The following TOP1MT variants were observed in gnomAD, a reference collection of about 807,000 sequenced individuals.
TOP1MT encodes DNA topoisomerase I mitochondrial.
In TOP1MT, 80 loss-of-function variants were observed where a neutral mutation model predicts 73.9. The ratio of observed to expected loss-of-function variants is 1.08; its 90% CI spans 0.90 to 1.30. The LOEUF (loss-of-function observed/expected upper bound fraction) is 1.30, where lower values mean the gene tolerates loss of function less well. TOP1MT is among the 50% of genes most tolerant of loss of function. The probability of loss-of-function intolerance (pLI) is 0.00; values close to 1 mark genes in which losing one functional copy is unlikely to be tolerated. For synonymous variants in TOP1MT, 338 were observed against 326.4 expected (o/e 1.04, Z -0.38); for missense variants, 815 against 808.0 (o/e 1.01, Z -0.10).
At chr8:143,331,941 G>A (rs1032870888) in intron 1 of TOP1MT, 1 of 162,752 alleles carries the variant, frequency 6.1e-6, no homozygotes, top group Admixed American at 6.0e-5. Context: ...AAGCCTCAGG[G>A]GTTTTCAGGG....
intron 1 of TOP1MT, among the ~76,000 whole-genome samples, chr8:143,350,524 G>C (rs1213899637): frequency 6.6e-6 from 1 of 152,088 alleles, no homozygotes; most frequent in African/African-American, 2.4e-5. Flanking sequence ...TAGAGACGGG[G>C]TTTCGCCATG....
At chr8:143,317,069 G>A (rs756783007) in intron 10 of TOP1MT, among the ~76,000 whole-genome samples, 11 of 152,356 alleles carry the variant, frequency 7.2e-5, no homozygotes, top group South Asian at 2.1e-4. Context: ...GAGCGTCAGC[G>A]CCCCTGAGCA....
intron 1 of TOP1MT, chr8:143,333,655 A>C (rs1262444538): frequency 6.6e-6 from 1 of 152,246 alleles, no homozygotes; most frequent in African/African-American, 2.4e-5. Context: ...TTGTAGTGAC[A>C]TTCTTTCACC....
intron 1 of TOP1MT, chr8:143,343,548 C>G (rs1040050816): frequency 9.9e-5 from 28 of 282,802 alleles, no homozygotes; most frequent in African/African-American, 6.1e-4. Flanking sequence ...TCAGGCCCCT[C>G]CCGGCCTCGG....
chr8:143,341,728 G>A lies in TOP1MT; in HGVS notation c.29+1492C>T, dbSNP rs575284772. ...GGTGCAGGCCGCAACAGGCCATACT[G>A]CCAGCGTCCACCCTGACCCAGACAC... On this transcript the variant is annotated intron_variant, in intron 2 of 5. Transcript: ENST00000518007. The surrounding 1 kb of genome is among the most constrained non-coding windows in gnomAD (Gnocchi z 4.1). Among the ~76,000 whole-genome samples, 152 of 152,296 alleles carry A rather than the reference G, an allele frequency of 1.0e-3. No homozygotes were observed. The highest frequency in any genetic ancestry group is 3.5e-3 in the African/African-American group (147 of 41,572).
chr8:143,322,589 ACACACATGCAGGC>A (rs1816490986), intron 7 of TOP1MT, among the ~76,000 whole-genome samples: 1 of 128,602 alleles, frequency 7.8e-6, no homozygotes, highest in Non-Finnish European at 1.6e-5. Context: ...CATGCACGCC[ACACACATGCAGGC>A]CACACACATG....
At chr8:143,338,653 T>A (rs1334409709), upstream of TOP1MT, among the ~76,000 whole-genome samples, 1 of 152,000 alleles carries the variant, frequency 6.6e-6, no homozygotes, top group African/African-American at 2.4e-5. Context: ...AGGCCAACAA[T>A]CCTGTAAAAA....
intron 5 of TOP1MT, among the ~76,000 whole-genome samples, chr8:143,325,142 G>A (rs7823909): frequency 0.041 from 6,316 of 152,316 alleles, 454 homozygotes; most frequent in African/African-American, 0.15. Context: ...ATAGCAAGGC[G>A]AGGACTTCCG....
upstream of TOP1MT, among the ~76,000 whole-genome samples, chr8:143,338,566 CAA>C (rs57834607): frequency 2.7e-3 from 347 of 130,194 alleles, 2 homozygotes; most frequent in African/African-American, 8.9e-3. Flanking sequence ...GACTCCGTCT[CAA>C]AAAAAAAAAA....
At chr8:143,332,544 G>A (rs1303012805) in intron 1 of TOP1MT, 3 of 1,289,456 alleles carry the variant, frequency 2.3e-6, no homozygotes, top group South Asian at 1.2e-5. Context: ...TTGGGGGCCT[G>A]GTGGGCCTGG....
intron 5 of TOP1MT, 93 bp downstream of exon 5, chr8:143,325,253 G>C: frequency 8.6e-7 from 1 of 1,158,358 alleles, no homozygotes; most frequent in Non-Finnish European, 1.2e-6. Flanking sequence ...CATGTTTCTC[G>C]GTGTGCCTCC....
chr8:143,335,399 G>A (rs1240341636), upstream of TOP1MT, among the ~76,000 whole-genome samples: 1 of 152,196 alleles, frequency 6.6e-6, no homozygotes, highest in African/African-American at 2.4e-5. Flanking sequence ...CCCCTCAGAG[G>A]TGGTGCCTCT....
At chr8:143,317,949 A>G (rs547313375) in intron 9 of TOP1MT, 69 bp downstream of exon 9, 3 of 1,594,676 alleles carry the variant, frequency 1.9e-6, no homozygotes, top group Non-Finnish European at 8.6e-7. Flanking sequence ...CCTGGGCCAG[A>G]CTCAGCGCCC....
rs1314178774 is a variant in TOP1MT, at chr8:143,321,488, CCA to C, written c.961-104_961-103del. 76 of 472,026 alleles carry C rather than the reference CCA, an allele frequency of 1.6e-4. 1 individual carries two copies. The South Asian group carries it at 2.6e-3, about 16-fold the overall frequency. 29.2% of individuals were successfully genotyped at this position (472,026 alleles called of 1,614,324 possible). On this transcript the variant is annotated intron_variant, in intron 7 of 13. Coordinates refer to ENST00000329245, the MANE Select transcript of TOP1MT (RefSeq NM_052963.3). ...GCCACACACGCACGCCACACGCACGCCACACACGCACGCCACACACACGCACT... is the reference window on the plus strand; with the variant it reads ...GCCACACACGCACGCCACACGCACGCCACACGCACGCCACACACACGCACT...
At position 143,341,070 on chromosome 8, in the gene TOP1MT, G is replaced by A. The variant is rs958670196; in HGVS notation, c.29+2150C>T. 4.6e-5 allele frequency among the ~76,000 whole-genome samples: 7 copies of A among 152,200 alleles called. No individual in the cohort carries two copies. The highest frequency in any genetic ancestry group is 1.4e-4 in the African/African-American group (6 of 41,532). On this transcript the variant is annotated intron_variant, in intron 2 of 5. Transcript: ENST00000518007. This position sits in a 1 kb window ranked among gnomAD's most constrained non-coding sequence, Gnocchi z 4.1. ...GAGCGCGCTCCTCCCCAGCTCCCAC[G>A]GCGGCCCCTGCACTCTTCCGCTCCC...
intron 4 of TOP1MT, among the ~76,000 whole-genome samples, chr8:143,325,829 A>G (rs1816692436): frequency 6.6e-6 from 1 of 152,122 alleles, no homozygotes; most frequent in African/African-American, 2.4e-5. Context: ...GCTGCCCGCC[A>G]TGGAGGAGGA....
At position 143,321,275 on chromosome 8, in the gene TOP1MT, G is replaced by A. The variant is rs762096102; in HGVS notation, c.1072C>T (p.Gln358Ter). 6.2e-7 allele frequency: 1 copy of A among 1,612,564 alleles called. No individual in the cohort carries two copies. The highest frequency in any genetic ancestry group is 1.7e-5 in the Admixed American group (1 of 59,954). Residue 358 changes from glutamine to a stop codon, truncating the protein, a stop_gained, in exon 8 of 14, where the codon CAA (glutamine) becomes TAA (stop). Transcript: ENST00000329245. LOFTEE classifies it high-confidence loss of function. ...AGGAAGTCAAATTCCACCACGTGTT[G>A]GCAGCCATCGGCCTCCGGGTGCAGC... The part of the protein sequence containing the change: ...VQLHPEADGC[Q>*]HVVEFDFLGK...
Position 143,331,232 on chromosome 8 carries a change from A to G in TOP1MT, c.230T>C (p.Phe77Ser), listed in dbSNP as rs770039013. 2 of 1,606,592 alleles carry G rather than the reference A, an allele frequency of 1.2e-6. No individual in the cohort carries two copies. Among genetic ancestry groups the G allele is most frequent in the Non-Finnish European group, 1.7e-6 (2 of 1,174,390 alleles). The change falls in exon 2 of 14, where the codon TTC becomes TCC. Residue 77 changes from phenylalanine to serine, a missense_variant. Around this residue, in one of 3 missense-constraint regions of TOP1MT, gnomAD observed 751 missense variants for 725.4 expected, o/e 1.04. Coordinates refer to ENST00000329245, the MANE Select transcript of TOP1MT (RefSeq NM_052963.3). ...GCTCCCTGCATCCTTACCTTCATAG[A>G]AGAAACGCACTCCGTCGGGAAGGGG... Reference protein sequence around the residue: ...YEPLPDGVRFFYEGRPVRLSV... With the variant: ...YEPLPDGVRFSYEGRPVRLSV...
upstream of TOP1MT, among the ~76,000 whole-genome samples, chr8:143,338,333 C>T (rs1260778438): frequency 6.6e-6 from 1 of 151,936 alleles, no homozygotes; most frequent in Non-Finnish European, 1.5e-5. Context: ...TTTGGGAGGC[C>T]AAGGCGGGCG....
Sources: allele counts gnomAD v4.1 joint callset (sites outside exome capture counted in the v4.1 genomes callset), GRCh38; gene constraint gnomAD v4.1.1; regional missense constraint gnomAD v4.1.1; non-coding constraint Gnocchi (gnomAD v3.1); transcripts MANE v1.5; gene names NCBI Gene and HGNC (gene_info 2026-07-23, HGNC 2026-07-21).